Variants in CDH8 observed in about 807,000 individuals in gnomAD.
CDH8 encodes cadherin 8.
CDH8 carries 17 observed loss-of-function variants against 68.1 expected under a neutral mutation model. The ratio of observed to expected loss-of-function variants is 0.25; its 90% CI spans 0.17 to 0.37. CDH8 has a LOEUF of 0.37. CDH8 is among the 10% of genes least tolerant of loss of function. The probability of loss-of-function intolerance (pLI) is 1.00; values close to 1 mark genes in which losing one functional copy is unlikely to be tolerated. For missense variants in CDH8, 763 were observed against 999.3 expected, an observed-to-expected ratio of 0.76 and a Z score of 3.19; for synonymous variants, 372 against 365.1, an observed-to-expected ratio of 1.02 and a Z score of -0.21.
At chr16:61,817,384 C>T in intron 7 of CDH8, 95 bp downstream of exon 7, 1 of 1,233,858 alleles carries the variant, frequency 8.1e-7, no homozygotes. Context: ...GAGCATAGTC[C>T]CAAGGAGAGC....
In CDH8 at chr16:61,840,114, C is replaced by A. The variant is rs527516150; in HGVS notation, c.668-14935G>T. Reference sequence around the variant, plus strand: ...ACTCCCCTGATAACTTTTATAAATACCATAAGAATATATAAAAGTGATTTT... The same window carrying A: ...ACTCCCCTGATAACTTTTATAAATAACATAAGAATATATAAAAGTGATTTT... On this transcript the variant is annotated intron_variant, in intron 4 of 11. Transcript: ENST00000577390. Among the ~76,000 whole-genome samples, 9 of 152,126 alleles carry A rather than the reference C, an allele frequency of 5.9e-5. 1 individual carries two copies. In the South Asian group the frequency reaches 1.9e-3, roughly 32 times the overall value.
Position 61,652,275 on chromosome 16 carries a change from T to G in CDH8, c.*1333A>C, listed in dbSNP as rs895501096. ...TCACCATGAAGATCAGGGATAGGAG[T>G]GCTAAAAACGTAAACAGTGAAATTA... On this transcript the variant is annotated 3_prime_UTR_variant, in exon 12 of 12. Transcript: ENST00000577390. 1.0e-6 allele frequency: 1 copy of G among 984,958 alleles called. No homozygotes were observed. Among genetic ancestry groups the G allele is most frequent in the Non-Finnish European group, 1.2e-6 (1 of 829,744 alleles). The allele number at this position is 984,958 out of a possible 1,614,324, so 61.0% of individuals were successfully genotyped here.
chr16:61,727,626 G>A (rs1959413327), intron 8 of CDH8, among the ~76,000 whole-genome samples: 1 of 150,892 alleles, frequency 6.6e-6, no homozygotes, highest in African/African-American at 2.4e-5. Context: ...TAATAGAGAT[G>A]AACACTTAAA....
intron 3 of CDH8, among the ~76,000 whole-genome samples, chr16:61,876,879 T>G (rs925093437): frequency 6.6e-6 from 1 of 152,128 alleles, no homozygotes; most frequent in African/African-American, 2.4e-5. Context: ...TTATAGTCAA[T>G]AAGAGGTAGA....
At chr16:61,742,003 T>A (rs1358960538) in intron 8 of CDH8, among the ~76,000 whole-genome samples, 1 of 152,152 alleles carries the variant, frequency 6.6e-6, no homozygotes, top group Non-Finnish European at 1.5e-5. Context: ...AAACTTTGTA[T>A]CTTTAATTTT....
chr16:61,714,303 T>C (rs1964682311), intron 9 of CDH8: 1 of 258,060 alleles, frequency 3.9e-6, no homozygotes, highest in Non-Finnish European at 7.5e-6. Flanking sequence ...AGATTTGGAA[T>C]TGTTACAGTG....
At position 61,919,558 on chromosome 16, in the gene CDH8, G is replaced by T. The variant is rs913608235; in HGVS notation, c.253-18085C>A. On this transcript the variant is annotated intron_variant, in intron 2 of 11. Coordinates refer to ENST00000577390, the MANE Select transcript of CDH8 (RefSeq NM_001796.5). ...GCCGATGAGATCAACTGGAAGAAAG[G>T]GTATCAGCAATGGAAGATGAAATGA... is the stretch of plus-strand genomic sequence containing the variant. Among the ~76,000 whole-genome samples, 11 of 149,920 alleles carry T rather than the reference G, an allele frequency of 7.3e-5. No homozygotes were observed. In the Admixed American group the frequency reaches 7.4e-4, roughly 10 times the overall value.
At chr16:61,865,666 A>T (rs957213989) in intron 3 of CDH8, among the ~76,000 whole-genome samples, 1 of 152,234 alleles carries the variant, frequency 6.6e-6, no homozygotes, top group Non-Finnish European at 1.5e-5. Flanking sequence ...TTCCATGTGC[A>T]TAAATACACC....
At chr16:61,861,304 A>G (rs1055082836) in intron 3 of CDH8, among the ~76,000 whole-genome samples, 7 of 152,210 alleles carry the variant, frequency 4.6e-5, no homozygotes, top group African/African-American at 1.7e-4. Context: ...TTCTATTGTG[A>G]TTACTTTGAA....
intron 2 of CDH8, among the ~76,000 whole-genome samples, chr16:61,966,745 A>G (rs544618285): frequency 6.6e-6 from 1 of 152,352 alleles, no homozygotes; most frequent in African/African-American, 2.4e-5. Context: ...AAAATATAGA[A>G]ATAAACAATG....
At chr16:61,769,067 C>T (rs1369076879) in intron 8 of CDH8, among the ~76,000 whole-genome samples, 2 of 151,730 alleles carry the variant, frequency 1.3e-5, no homozygotes, top group Non-Finnish European at 2.9e-5. Flanking sequence ...ATTCCATTGG[C>T]CATTGAGCTA....
intron 10 of CDH8, among the ~76,000 whole-genome samples, chr16:61,659,045 A>G (rs115698050): frequency 0.011 from 1,678 of 152,272 alleles, 30 homozygotes; most frequent in African/African-American, 0.033. Flanking sequence ...ATAAAATTTA[A>G]TTGTCTTATA....
At chr16:61,804,024 A>G (rs1363249360) in intron 7 of CDH8, among the ~76,000 whole-genome samples, 1 of 131,714 alleles carries the variant, frequency 7.6e-6, no homozygotes, top group East Asian at 2.0e-4. Flanking sequence ...CATTTTTTTC[A>G]GCACCACACC....
At chr16:62,022,001 C>T (rs892727933) in intron 1 of CDH8, among the ~76,000 whole-genome samples, 1 of 152,108 alleles carries the variant, frequency 6.6e-6, no homozygotes, top group Non-Finnish European at 1.5e-5. Flanking sequence ...ACACAGCCCA[C>T]TTGTCGAACA....
chr16:62,018,371 C>G (rs779593111), intron 2 of CDH8, among the ~76,000 whole-genome samples: 5 of 152,142 alleles, frequency 3.3e-5, no homozygotes, highest in Non-Finnish European at 7.3e-5. Context: ...CGCAGGAGGG[C>G]CTTTCAAAGA....
chr16:61,995,097 G>A (rs923856316), intron 2 of CDH8, among the ~76,000 whole-genome samples: 1 of 152,082 alleles, frequency 6.6e-6, no homozygotes, highest in Non-Finnish European at 1.5e-5. Flanking sequence ...CAAGGTACTC[G>A]CAGGTAAAAT....
In CDH8 at chr16:61,653,381, GACACTCCACATACTTAATTC is replaced by G; in HGVS notation, c.*207_*226del. The G allele has an allele frequency of 7.5e-7, 1 of 1,324,774 alleles. No homozygotes were observed. The highest frequency in any genetic ancestry group is 2.3e-5 in the South Asian group (1 of 43,226). 82.1% of individuals were successfully genotyped at this position (1,324,774 alleles called of 1,614,324 possible). A position where few individuals can be genotyped will look rare whatever the true frequency, so the allele number is the denominator to read the frequency against. ...AATATCAAATATCCAAGGACTTCTAGACACTCCACATACTTAATTCACACTCCACAAGATTTATAACCTCC... is the reference window on the plus strand; with the variant it reads ...AATATCAAATATCCAAGGACTTCTAGACACTCCACAAGATTTATAACCTCC... On this transcript the variant is annotated 3_prime_UTR_variant, in exon 12 of 12. Transcript: ENST00000577390.
rs1300323659 is a variant in CDH8, at chr16:61,817,749, A to T, written c.1024-17T>A. The stretch of plus-strand genomic sequence containing the variant: ...GTCCAGAGGCTGTTAAGAAATGACA[A>T]AGATAAATGCTTCTCACTAATGACC... On this transcript the variant is annotated splice_polypyrimidine_tract_variant and intron_variant, in intron 6 of 11. Transcript: ENST00000577390. 5.2e-6 allele frequency: 8 copies of T among 1,540,374 alleles called. No homozygotes were observed. The highest frequency in any genetic ancestry group is 7.0e-6 in the Non-Finnish European group (8 of 1,147,410).
intron 2 of CDH8, among the ~76,000 whole-genome samples, chr16:61,983,049 A>C (rs1025462196): frequency 3.3e-5 from 5 of 152,228 alleles, no homozygotes; most frequent in African/African-American, 1.2e-4. Context: ...GAGCATTCAT[A>C]AATTAATCCA....
Sources: gnomAD v4.1 joint callset for allele counts (sites outside exome capture counted in the v4.1 genomes callset) on GRCh38, gnomAD v4.1.1 for gene constraint, MANE v1.5 for transcripts, NCBI Gene and HGNC (gene_info 2026-07-23, HGNC 2026-07-21) for gene names.